MIOS: variants seen among roughly 807,000 people sequenced by gnomAD.
The protein encoded by MIOS is meiosis regulator for oocyte development.
MIOS carries 52 observed loss-of-function variants against 96.9 expected under a neutral mutation model. That is an observed-to-expected ratio of 0.54 (90% CI 0.43 to 0.68). The LOEUF (loss-of-function observed/expected upper bound fraction) is 0.68, where lower values mean the gene tolerates loss of function less well. Among genes scored for constraint, MIOS ranks in the 30% least tolerant of loss-of-function variants. The pLI, the probability that MIOS is intolerant of heterozygous loss-of-function variation, is 0.00. For missense variants in MIOS, 1,005 were observed against 1,052.8 expected, an observed-to-expected ratio of 0.95 and a Z score of 0.63; for synonymous variants, 397 against 359.5, an observed-to-expected ratio of 1.10 and a Z score of -1.18.
chr7:7,582,001 A>G (rs1224073713), intron 5 of MIOS, among the ~76,000 whole-genome samples: 1 of 67,110 alleles, frequency 1.5e-5, no homozygotes, highest in Non-Finnish European at 2.7e-5. Flanking sequence ...TTTACACAAG[A>G]GTGTGGTTGG....
chr7:7,606,968 T>C, intron 12 of MIOS, 28 bp from the exon 13 acceptor site: 8 of 1,530,566 alleles, frequency 5.2e-6, no homozygotes, highest in Non-Finnish European at 7.2e-6. Flanking sequence ...ATTTGGATTT[T>C]TAACTGTTAT....
intron 9 of MIOS, among the ~76,000 whole-genome samples, chr7:7,590,945 CTATTGTCA>C: frequency 6.6e-6 from 1 of 152,278 alleles, no homozygotes; most frequent in East Asian, 1.9e-4. Flanking sequence ...TTCCTTTGTC[CTATTGTCA>C]TATATTTTAC....
At position 7,597,492 on chromosome 7, in the gene MIOS, A is replaced by G. The variant is rs1248776227; in HGVS notation, c.2401+1031A>G. Among the ~76,000 whole-genome samples the G allele has an allele frequency of 3.1e-5, 2 of 63,518 alleles. 1 individual carries two copies. The highest frequency in any genetic ancestry group is 6.5e-5 in the Non-Finnish European group (2 of 30,842). The allele number at this position is 63,518 out of a possible 152,430, so 41.7% of individuals were successfully genotyped here. ...TTTATATATATATATATATATATAT[A>G]TATATATATATATATATATATATAT... On this transcript the variant is annotated intron_variant, in intron 11 of 12. Transcript: ENST00000340080.
chr7:7,575,775 T>C (rs1235596388), intron 5 of MIOS, among the ~76,000 whole-genome samples: 1 of 152,114 alleles, frequency 6.6e-6, no homozygotes, highest in African/African-American at 2.4e-5. Context: ...AGAGACAAAC[T>C]GAGTATCCCA....
At chr7:7,598,724 C>G (rs1018493928) in intron 11 of MIOS, among the ~76,000 whole-genome samples, 1 of 152,066 alleles carries the variant, frequency 6.6e-6, no homozygotes, top group Non-Finnish European at 1.5e-5. Context: ...GGGCACTCTT[C>G]CTTTTTGCTG....
At chr7:7,596,995 G>T (rs1217112768) in intron 11 of MIOS, among the ~76,000 whole-genome samples, 1 of 152,022 alleles carries the variant, frequency 6.6e-6, no homozygotes, top group African/African-American at 2.4e-5. Flanking sequence ...GGGAGTTTGA[G>T]ACCAGCCTGA....
chr7:7,589,616 C>A (rs1783990692), intron 9 of MIOS, 53 bp downstream of exon 9: 2 of 1,546,516 alleles, frequency 1.3e-6, no homozygotes, highest in Admixed American at 1.9e-5. Context: ...TCTATATTTT[C>A]TTTCCTCAGT....
At position 7,585,634 on chromosome 7, in the gene MIOS, A is replaced by G; in HGVS notation, c.1649-2A>G. ...GATTAGCTGGCTGTTTTTAATATGC[A>G]GGAGATCTGAATCTCAATGTGGTAG... On this transcript the variant is annotated splice_acceptor_variant, in intron 6 of 12. Coordinates refer to ENST00000340080, the MANE Select transcript of MIOS (RefSeq NM_019005.4). LOFTEE classifies it high-confidence loss of function. The G allele has an allele frequency of 6.3e-7, 1 of 1,578,562 alleles. No individual in the cohort carries two copies. Among genetic ancestry groups the G allele is most frequent in the Non-Finnish European group, 8.6e-7 (1 of 1,163,622 alleles).
At chr7:7,585,359 G>A (rs1241977578) in intron 6 of MIOS, among the ~76,000 whole-genome samples, 1 of 149,426 alleles carries the variant, frequency 6.7e-6, no homozygotes, top group Non-Finnish European at 1.5e-5. Context: ...GGGTAGAAAT[G>A]TTTTGCTTAT....
At position 7,583,383 on chromosome 7, in the gene MIOS, A is replaced by C; in HGVS notation, c.1648+11A>C. The stretch of plus-strand genomic sequence containing the variant: ...CATCTTCTGAAAAAGGTATTAGGTT[A>C]TAAACTAAGATATTAGTTATAATCT... On this transcript the variant is annotated intron_variant, in intron 6 of 12. Coordinates refer to ENST00000340080, the MANE Select transcript of MIOS (RefSeq NM_019005.4). The C allele has an allele frequency of 2.6e-6, 4 of 1,565,348 alleles. No homozygotes were observed.
chr7:7,602,093 A>C (rs988888079), intron 11 of MIOS, among the ~76,000 whole-genome samples: 38 of 152,222 alleles, frequency 2.5e-4, no homozygotes, highest in Middle Eastern at 3.2e-3. Context: ...AGAGCTATCT[A>C]TGACACACCC....
chr7:7,607,136 A>G lies in MIOS; in HGVS notation c.*44A>G. ...GAACCCTTCAAGTGTGGAGCTTTCT[A>G]GTAGGTGTCCTTCATAGCTCAGAAA... On this transcript the variant is annotated 3_prime_UTR_variant, in exon 13 of 13. Coordinates refer to ENST00000340080, the MANE Select transcript of MIOS (RefSeq NM_019005.4). 1 of 1,465,270 alleles carries G rather than the reference A, an allele frequency of 6.8e-7. No homozygotes were observed. The highest frequency in any genetic ancestry group is 2.3e-5 in the East Asian group (1 of 43,772). The allele number at this position is 1,465,270 out of a possible 1,614,324, so 90.8% of individuals were successfully genotyped here.
intron 9 of MIOS, among the ~76,000 whole-genome samples, chr7:7,592,549 A>G (rs1396334178): frequency 6.6e-6 from 1 of 152,058 alleles, no homozygotes; most frequent in Non-Finnish European, 1.5e-5. Context: ...AAATAATTCT[A>G]CAACTCACCA....
chr7:7,600,251 G>A (rs907635495), intron 11 of MIOS, among the ~76,000 whole-genome samples: 5 of 151,886 alleles, frequency 3.3e-5, no homozygotes, highest in African/African-American at 1.2e-4. Flanking sequence ...AGTAAAACAG[G>A]ATCTAATAGA....
intron 7 of MIOS, among the ~76,000 whole-genome samples, chr7:7,587,682 A>G (rs562197402): frequency 6.6e-6 from 1 of 152,134 alleles, no homozygotes; most frequent in African/African-American, 2.4e-5. Context: ...AGTTATATGA[A>G]ATATGTTCTC....
intron 11 of MIOS, chr7:7,605,575 A>G (rs936738427): frequency 6.0e-6 from 1 of 167,906 alleles, no homozygotes; most frequent in Non-Finnish European, 1.3e-5. Context: ...GATTACAGGC[A>G]TGAGCCATCA....
Position 7,573,981 on chromosome 7 carries a change from A to T in MIOS, c.1295-117A>T. 1 of 912,392 alleles carries T rather than the reference A, an allele frequency of 1.1e-6. No homozygotes were observed. Among genetic ancestry groups the T allele is most frequent in the Non-Finnish European group, 1.6e-6 (1 of 615,300 alleles). 56.5% of individuals were successfully genotyped at this position (912,392 alleles called of 1,614,324 possible). ...AGGAAGAAAAGTGTATCTCTGCAAT[A>T]GAGTCGAACCACCTTATTTACACTG... On this transcript the variant is annotated intron_variant, in intron 4 of 12. Transcript: ENST00000340080. This position sits in a 1 kb window ranked among gnomAD's most constrained non-coding sequence, Gnocchi z 5.0.
Position 7,580,969 on chromosome 7 carries a change from G to A in MIOS, c.1394-2149G>A, listed in dbSNP as rs991491875. On this transcript the variant is annotated intron_variant, in intron 5 of 12. Coordinates refer to ENST00000340080, the MANE Select transcript of MIOS (RefSeq NM_019005.4). ...CCCAAAGTGCTGGGATTACAGGCAT[G>A]AGCCACGGTGCCTGGCCTAAAATTT... Among the ~76,000 whole-genome samples, 38 of 149,896 alleles carry A rather than the reference G, an allele frequency of 2.5e-4. 1 individual carries two copies. Among genetic ancestry groups the A allele is most frequent in the African/African-American group, 9.0e-4 (37 of 41,026 alleles).
chr7:7,573,285 A>G lies in MIOS; in HGVS notation c.810A>G (p.Leu270=), dbSNP rs775756301. 17 of 1,614,022 alleles carry G rather than the reference A, an allele frequency of 1.1e-5. No homozygotes were observed. The East Asian group carries it at 3.3e-4, about 32-fold the overall frequency. Residue 270 remains leucine, a synonymous_variant, in exon 4 of 13, where the codon TTA becomes TTG. Coordinates refer to ENST00000340080, the MANE Select transcript of MIOS (RefSeq NM_019005.4). The surrounding 1 kb of genome is among the most constrained non-coding windows in gnomAD (Gnocchi z 5.0). The part of the protein sequence containing the change: ...VLTLTEQPKP[L]TKVAWCPTRT... ...CATTGACTGAGCAACCAAAACCCTT[A>G]ACAAAAGTAGCATGGTGTCCCACTA...
Sources: gnomAD v4.1 joint callset for allele counts (sites outside exome capture counted in the v4.1 genomes callset) on GRCh38, gnomAD v4.1.1 for gene constraint, Gnocchi (gnomAD v3.1) non-coding constraint, MANE v1.5 for transcripts, NCBI Gene and HGNC (gene_info 2026-07-23, HGNC 2026-07-21) for gene names.